The following MBD5 variants were observed in gnomAD, a reference collection of about 807,000 sequenced individuals.
The protein encoded by MBD5 is methyl-CpG-binding domain protein 5.
Under a neutral mutation model 117.3 loss-of-function variants are expected in MBD5, and 13 were observed. That is an observed-to-expected ratio of 0.11 (90% CI 0.07 to 0.18). The LOEUF is 0.18. Among genes scored for constraint, MBD5 ranks in the 10% least tolerant of loss-of-function variants. The probability of loss-of-function intolerance (pLI) is 1.00; values close to 1 mark genes in which losing one functional copy is unlikely to be tolerated. For missense variants in MBD5, 1,879 were observed against 2,093.8 expected (o/e 0.90, Z 2.00); for synonymous variants, 727 against 766.4 (o/e 0.95, Z 0.85).
Position 148,458,600 on chromosome 2 carries a change from G to A in MBD5, c.-159G>A, listed in dbSNP as rs1346412099. 3.0e-6 allele frequency: 2 copies of A among 667,506 alleles called. No individual in the cohort carries two copies. Among genetic ancestry groups the A allele is most frequent in the East Asian group, 5.4e-5 (2 of 36,768 alleles). The allele number at this position is 667,506 out of a possible 1,614,324, so 41.3% of individuals were successfully genotyped here. On this transcript the variant is annotated 5_prime_UTR_variant, in exon 5 of 14. Transcript: ENST00000642680. ...TTTTTTCACAATGGCATATTTCAAG[G>A]ACTTGGTTCCAAACTGAGCTGAAGC...
chr2:148,323,233 T>C (rs899076416), intron 3 of MBD5, among the ~76,000 whole-genome samples: 30 of 152,178 alleles, frequency 2.0e-4, no homozygotes, highest in African/African-American at 6.8e-4. Context: ...ATTTTCTTAA[T>C]CCAGACTATG....
chr2:148,447,969 A>G (rs757932831), intron 4 of MBD5, among the ~76,000 whole-genome samples: 5 of 152,020 alleles, frequency 3.3e-5, no homozygotes, highest in Admixed American at 6.6e-5. Flanking sequence ...AAAACACTCT[A>G]TGCCTCATTT....
chr2:148,240,038 T>C (rs927760491), intron 3 of MBD5, among the ~76,000 whole-genome samples: 2 of 152,284 alleles, frequency 1.3e-5, no homozygotes, highest in East Asian at 1.9e-4. Context: ...AGTGATAGAC[T>C]GGATTAAGAA....
At chr2:148,181,526 T>G (rs1698535141) in intron 2 of MBD5, among the ~76,000 whole-genome samples, 1 of 152,224 alleles carries the variant, frequency 6.6e-6, no homozygotes, top group Admixed American at 6.5e-5. Flanking sequence ...TTTTCCAGCT[T>G]ACTCATGTTT....
intron 3 of MBD5, among the ~76,000 whole-genome samples, chr2:148,281,509 T>C (rs945202022): frequency 6.6e-6 from 1 of 152,172 alleles, no homozygotes; most frequent in Non-Finnish European, 1.5e-5. Flanking sequence ...TTTACTTCTG[T>C]ATGAATCTTC....
At chr2:148,120,171 CCTAA>C (rs1484378497) in intron 1 of MBD5, among the ~76,000 whole-genome samples, 2 of 152,128 alleles carry the variant, frequency 1.3e-5, no homozygotes, top group Non-Finnish European at 2.9e-5. Context: ...GCGTCGGCCT[CCTAA>C]AGTGCTGAGA....
chr2:148,246,588 G>A (rs927714252), intron 3 of MBD5, among the ~76,000 whole-genome samples: 1 of 151,832 alleles, frequency 6.6e-6, no homozygotes, highest in Non-Finnish European at 1.5e-5. Context: ...AGCCAAGATG[G>A]TGAAACCCCA....
At position 148,516,180 on chromosome 2, in the gene MBD5, C is replaced by T. The variant is rs1219829436; in HGVS notation, c.*3239C>T. 6.6e-5 allele frequency: 10 copies of T among 152,206 alleles called. No individual in the cohort carries two copies. Among genetic ancestry groups the T allele is most frequent in the African/African-American group, 2.4e-4 (10 of 41,460 alleles). The allele number at this position is 152,206 out of a possible 1,614,324, so 9.4% of individuals were successfully genotyped here. On this transcript the variant is annotated 3_prime_UTR_variant, in exon 14 of 14. Transcript: ENST00000642680. ...AAGATTCTTATATCCTACGAGGTGA[C>T]TCATGTTTCATTTTAGACCATGATA...
intron 4 of MBD5, among the ~76,000 whole-genome samples, chr2:148,422,350 T>G (rs1406450941): frequency 6.6e-6 from 1 of 152,068 alleles, no homozygotes; most frequent in African/African-American, 2.4e-5. Flanking sequence ...GGCCTGACTG[T>G]TACAAGGAAA....
intron 2 of MBD5, among the ~76,000 whole-genome samples, chr2:148,227,054 T>G (rs969722952): frequency 1.3e-5 from 2 of 152,336 alleles, no homozygotes; most frequent in Admixed American, 6.5e-5. Flanking sequence ...TTTCTCCCAT[T>G]CTGTAGGTTG....
At chr2:148,272,011 A>G (rs1700998129) in intron 3 of MBD5, among the ~76,000 whole-genome samples, 1 of 152,116 alleles carries the variant, frequency 6.6e-6, no homozygotes, top group Non-Finnish European at 1.5e-5. Context: ...ACTTTTTTAG[A>G]TTCCACATGT....
chr2:148,137,487 C>T (rs545626953), intron 1 of MBD5, among the ~76,000 whole-genome samples: 48 of 152,268 alleles, frequency 3.2e-4, no homozygotes, highest in African/African-American at 1.1e-3. Context: ...CTGGCCAGGC[C>T]TCTTGGCTCA....
At chr2:148,051,785 G>C (rs1043793046) in intron 1 of MBD5, among the ~76,000 whole-genome samples, 1 of 151,916 alleles carries the variant, frequency 6.6e-6, no homozygotes, top group Non-Finnish European at 1.5e-5. Context: ...GAGTATTCTT[G>C]AATTTATATT....
chr2:148,052,079 A>C (rs1694723060), intron 1 of MBD5, among the ~76,000 whole-genome samples: 1 of 151,206 alleles, frequency 6.6e-6, no homozygotes, highest in Non-Finnish European at 1.5e-5. Context: ...AAGGTTTGTA[A>C]ATTTTGTTGA....
Position 148,513,058 on chromosome 2 carries a change from C to A in MBD5, c.*117C>A. On this transcript the variant is annotated 3_prime_UTR_variant, in exon 14 of 14. Transcript: ENST00000642680. ...ATATTTAGACTATGGCAGATAGCTACCACCACCACAGGGTGCTAAAAGAAA... is the reference window on the plus strand; with the variant it reads ...ATATTTAGACTATGGCAGATAGCTAACACCACCACAGGGTGCTAAAAGAAA... 9.6e-7 allele frequency: 1 copy of A among 1,040,312 alleles called. No individual in the cohort carries two copies. Among genetic ancestry groups the A allele is most frequent in the Non-Finnish European group, 1.5e-6 (1 of 677,968 alleles). 64.4% of individuals were successfully genotyped at this position (1,040,312 alleles called of 1,614,324 possible).
chr2:148,262,601 A>T (rs1464706146), intron 3 of MBD5, among the ~76,000 whole-genome samples: 1 of 152,152 alleles, frequency 6.6e-6, no homozygotes, highest in Non-Finnish European at 1.5e-5. Flanking sequence ...AAGGGAAAAA[A>T]ATTGAGCCCT....
rs1681468663 is a variant in MBD5 at position 148,489,944 on chromosome 2, G to A, written c.4312G>A (p.Gly1438Arg). ...KQWDGEQSPR[G>R]ERNRWKYEEF... ...GTGGGACGGGGAGCAAAGCCCCAGA[G>A]GGGAGCGAAACAGGTGGAAGTACGA... is the stretch of plus-strand genomic sequence containing the variant. The change falls in exon 11 of 14, where the codon GGG (glycine) becomes AGG (arginine). Residue 1438 changes from glycine (G) to arginine (R), a missense_variant. Transcript: ENST00000642680. The A allele has an allele frequency of 6.2e-7, 1 of 1,614,068 alleles. No homozygotes were observed. The highest frequency in any genetic ancestry group is 1.3e-5 in the African/African-American group (1 of 75,028).
chr2:148,234,249 A>T (rs1700047298), intron 3 of MBD5, among the ~76,000 whole-genome samples: 1 of 152,166 alleles, frequency 6.6e-6, no homozygotes. Flanking sequence ...ATACAAAGAA[A>T]CTATATATAT....
At chr2:148,221,594 C>T (rs1333975379) in intron 2 of MBD5, among the ~76,000 whole-genome samples, 2 of 152,014 alleles carry the variant, frequency 1.3e-5, no homozygotes, top group Non-Finnish European at 1.5e-5. Flanking sequence ...ATCTTTTGCC[C>T]ATTTTTTAAT....
Sources: gnomAD v4.1 joint callset for allele counts (sites outside exome capture counted in the v4.1 genomes callset) on GRCh38, gnomAD v4.1.1 for gene constraint, MANE v1.5 for transcripts, NCBI Gene and HGNC (gene_info 2026-07-23, HGNC 2026-07-21) for gene names.